The following SBF2 variants were observed in gnomAD, a reference collection of about 807,000 sequenced individuals.
SBF2 encodes the protein SET binding factor 2, also known as myotubularin-related protein 13.
Under a neutral mutation model 225.2 loss-of-function variants are expected in SBF2, and 112 were observed. The ratio of observed to expected loss-of-function variants is 0.50; its 90% CI spans 0.43 to 0.58. The LOEUF (loss-of-function observed/expected upper bound fraction) is 0.58, where lower values mean the gene tolerates loss of function less well. Ranked by LOEUF, SBF2 falls within the 20% of genes least tolerant of loss-of-function variation. The probability of loss-of-function intolerance (pLI) is 0.00; values close to 1 mark genes in which losing one functional copy is unlikely to be tolerated. For synonymous variants in SBF2, 763 were observed against 773.3 expected (o/e 0.99, Z 0.22); for missense variants, 1,996 against 2,206.2 (o/e 0.90, Z 1.91).
chr11:10,130,533 A>G (rs890151889), intron 2 of SBF2, among the ~76,000 whole-genome samples: 1 of 152,194 alleles, frequency 6.6e-6, no homozygotes, highest in African/African-American at 2.4e-5. Flanking sequence ...CTTATATAAT[A>G]CAATATCAAA....
At position 9,795,839 on chromosome 11, in the gene SBF2, A is replaced by C; in HGVS notation, c.4562T>G (p.Leu1521Ter). The C allele has an allele frequency of 6.2e-7, 1 of 1,613,864 alleles. No homozygotes were observed. Among genetic ancestry groups the C allele is most frequent in the Non-Finnish European group, 8.5e-7 (1 of 1,179,922 alleles). The change falls in exon 33 of 40, where the codon TTA becomes TGA. Residue 1521 changes from leucine to a stop codon, truncating the protein, a stop_gained. Coordinates refer to ENST00000256190, the MANE Select transcript of SBF2 (RefSeq NM_030962.4). LOFTEE classifies it high-confidence loss of function. ...TFLLDSDYER[L>*]EHGTLFDDKG... ...GGCATACAGACACATACCGTGCTCTAATCTTTCATAGTCTGAATCCAGGAG... is the reference window on the plus strand; with the variant it reads ...GGCATACAGACACATACCGTGCTCTCATCTTTCATAGTCTGAATCCAGGAG...
At chr11:10,220,217 C>T (rs930131203) in intron 1 of SBF2, among the ~76,000 whole-genome samples, 1 of 152,118 alleles carries the variant, frequency 6.6e-6, no homozygotes, top group Non-Finnish European at 1.5e-5. Flanking sequence ...AGGGGTACTG[C>T]CCTTTCTAAA....
chr11:10,086,632 T>A (rs1358015021), intron 2 of SBF2, among the ~76,000 whole-genome samples: 1 of 152,200 alleles, frequency 6.6e-6, no homozygotes, highest in Non-Finnish European at 1.5e-5. Flanking sequence ...ACTTTTGTAT[T>A]TCAATTTCCT....
At chr11:10,246,090 C>T (rs1483563291) in intron 1 of SBF2, among the ~76,000 whole-genome samples, 1 of 152,074 alleles carries the variant, frequency 6.6e-6, no homozygotes, top group East Asian at 1.9e-4. Context: ...TTATGGTATA[C>T]TTAAAATTAT....
At chr11:10,292,301 C>G (rs1964206320) in intron 1 of SBF2, among the ~76,000 whole-genome samples, 1 of 152,204 alleles carries the variant, frequency 6.6e-6, no homozygotes, top group Non-Finnish European at 1.5e-5. Context: ...GACAGGGCAT[C>G]AGGTCAACAG....
chr11:10,271,958 C>T, intron 1 of SBF2: 1 of 675,188 alleles, frequency 1.5e-6, no homozygotes, highest in South Asian at 2.1e-5. Flanking sequence ...TGAAATATCT[C>T]TAAAAGTTAG....
chr11:10,218,964 T>C (rs766944940), intron 1 of SBF2, among the ~76,000 whole-genome samples: 35 of 152,166 alleles, frequency 2.3e-4, no homozygotes, highest in Admixed American at 5.9e-4. Flanking sequence ...TGAGTGTCTG[T>C]GGCTTTTCCA....
intron 6 of SBF2, among the ~76,000 whole-genome samples, chr11:10,025,983 C>A (rs931218584): frequency 6.6e-6 from 1 of 151,036 alleles, no homozygotes; most frequent in Admixed American, 6.6e-5. Context: ...GCCACCATTA[C>A]TGGAAGAGAG....
chr11:10,009,169 A>G (rs1272022701), intron 6 of SBF2, among the ~76,000 whole-genome samples: 1 of 152,234 alleles, frequency 6.6e-6, no homozygotes, highest in Non-Finnish European at 1.5e-5. Flanking sequence ...GGACTGTCTC[A>G]TTAATCCAGA....
intron 2 of SBF2, among the ~76,000 whole-genome samples, chr11:10,179,725 T>A (rs1236863398): frequency 6.6e-6 from 1 of 152,224 alleles, no homozygotes; most frequent in Non-Finnish European, 1.5e-5. Context: ...CAGGACTTAC[T>A]CCTGCCATTT....
intron 16 of SBF2, among the ~76,000 whole-genome samples, chr11:9,947,641 T>C (rs1865639149): frequency 6.6e-6 from 1 of 152,186 alleles, no homozygotes. Flanking sequence ...CAGAGGTCAA[T>C]GTAGGGTCAG....
At chr11:10,243,235 A>C (rs1223085592) in intron 1 of SBF2, among the ~76,000 whole-genome samples, 1 of 152,176 alleles carries the variant, frequency 6.6e-6, no homozygotes, top group Non-Finnish European at 1.5e-5. Flanking sequence ...CTAATGGGTC[A>C]AAGAAGAAAC....
intron 2 of SBF2, among the ~76,000 whole-genome samples, chr11:10,129,715 C>T (rs1035975241): frequency 9.2e-5 from 14 of 152,192 alleles, no homozygotes; most frequent in East Asian, 7.7e-4. Context: ...TTTTTACCTA[C>T]GGACAGCGTC....
At chr11:10,000,069 C>T (rs1947892339) in intron 8 of SBF2, among the ~76,000 whole-genome samples, 1 of 152,208 alleles carries the variant, frequency 6.6e-6, no homozygotes, top group African/African-American at 2.4e-5. Context: ...GTACACTCCT[C>T]ATCTCACATA....
intron 30 of SBF2, among the ~76,000 whole-genome samples, chr11:9,811,800 TG>T (rs1324548754): frequency 6.6e-6 from 1 of 151,718 alleles, no homozygotes; most frequent in Non-Finnish European, 1.5e-5. Context: ...GGCAGGGGAC[TG>T]GGAATTTCTG....
chr11:10,219,952 C>T (rs1464189142), intron 1 of SBF2, among the ~76,000 whole-genome samples: 2 of 152,192 alleles, frequency 1.3e-5, no homozygotes, highest in African/African-American at 4.8e-5. Flanking sequence ...CAACCTCTGC[C>T]TATTACCCAG....
chr11:9,868,522 GTAAATAAA>G (rs1183854262), intron 17 of SBF2, among the ~76,000 whole-genome samples: 3 of 151,042 alleles, frequency 2.0e-5, no homozygotes, highest in Non-Finnish European at 3.0e-5. Context: ...AAAAAAATAA[GTAAATAAA>G]TAAATAAAAA....
intron 18 of SBF2, among the ~76,000 whole-genome samples, chr11:9,857,584 T>C (rs184378315): frequency 2.4e-4 from 36 of 152,288 alleles, no homozygotes; most frequent in Admixed American, 1.6e-3. Context: ...CACTAAAATC[T>C]CATAATAATC....
chr11:10,188,259 C>G (rs1957019961), intron 2 of SBF2, among the ~76,000 whole-genome samples: 1 of 151,808 alleles, frequency 6.6e-6, no homozygotes, highest in Admixed American at 6.6e-5. Flanking sequence ...AGAATAGTAG[C>G]AAAAAGGAAC....
Sources: gnomAD v4.1 joint callset for allele counts (sites outside exome capture counted in the v4.1 genomes callset) on GRCh38, gnomAD v4.1.1 for gene constraint, MANE v1.5 for transcripts, NCBI Gene and HGNC (gene_info 2026-07-23, HGNC 2026-07-21) for gene names.